The following UBE2K variants were observed in gnomAD, a reference collection of about 807,000 sequenced individuals.
UBE2K encodes the protein ubiquitin conjugating enzyme E2 K.
Under a neutral mutation model 30.0 loss-of-function variants are expected in UBE2K, and 6 were observed. The observed-to-expected ratio is 0.20, with a 90% CI of 0.11 to 0.39. UBE2K has a LOEUF of 0.39. Ranked by LOEUF, UBE2K falls within the 10% of genes least tolerant of loss-of-function variation. The probability of loss-of-function intolerance (pLI) is 1.00; values close to 1 mark genes in which losing one functional copy is unlikely to be tolerated. For synonymous variants in UBE2K, 86 were observed against 83.7 expected (o/e 1.03, Z -0.15); for missense variants, 61 against 241.6 (o/e 0.25, Z 4.96).
At chr4:39,754,842 TCTA>T (rs1451197833) in intron 3 of UBE2K, among the ~76,000 whole-genome samples, 5 of 152,314 alleles carry the variant, frequency 3.3e-5, no homozygotes, top group Admixed American at 2.6e-4. Context: ...TAGTAATTAA[TCTA>T]CTAAGTGTCA....
chr4:39,720,638 C>T (rs1293199578), intron 1 of UBE2K, among the ~76,000 whole-genome samples: 1 of 152,128 alleles, frequency 6.6e-6, no homozygotes, highest in Non-Finnish European at 1.5e-5. Context: ...CTGATACTTA[C>T]AGGATAAATT....
At chr4:39,723,624 T>A (rs1017547533) in intron 1 of UBE2K, among the ~76,000 whole-genome samples, 12 of 152,274 alleles carry the variant, frequency 7.9e-5, no homozygotes, top group Admixed American at 1.3e-4. Flanking sequence ...TGCCTCGGCC[T>A]CCGAAAGTGC....
intron 4 of UBE2K, among the ~76,000 whole-genome samples, chr4:39,760,036 C>T (rs1294389983): frequency 6.6e-6 from 1 of 151,596 alleles, no homozygotes; most frequent in Admixed American, 6.6e-5. Context: ...ATTAGCCAGG[C>T]GTGGGTGGTG....
intron 3 of UBE2K, among the ~76,000 whole-genome samples, chr4:39,746,963 T>C (rs182908455): frequency 2.6e-4 from 39 of 152,308 alleles, no homozygotes; most frequent in African/African-American, 8.2e-4. Flanking sequence ...TTTACACCTA[T>C]ATATTATCAG....
At chr4:39,714,538 A>T (rs1235971427) in intron 1 of UBE2K, 40 of 22,200 alleles carry the variant, frequency 1.8e-3, no homozygotes, top group East Asian at 5.3e-3. Context: ...ATATATATAT[A>T]TATATATATA....
At chr4:39,726,079 C>A (rs1719737541) in intron 1 of UBE2K, among the ~76,000 whole-genome samples, 1 of 152,118 alleles carries the variant, frequency 6.6e-6, no homozygotes, top group Non-Finnish European at 1.5e-5. Context: ...GGAATCCTTC[C>A]TTGCCTCTTC....
intron 4 of UBE2K, chr4:39,770,053 C>G (rs879648966): frequency 1.6e-4 from 239 of 1,510,304 alleles, no homozygotes; most frequent in Non-Finnish European, 2.1e-4. Context: ...CCAGGGACCC[C>G]AGCCTCCGGG....
rs113954557 is a variant in UBE2K at position 39,771,551 on chromosome 4, C to T, written c.300-3283C>T. Among the ~76,000 whole-genome samples, 1,115 of 152,244 alleles carry T rather than the reference C, an allele frequency of 7.3e-3. 19 individuals carry two copies. The highest frequency in any genetic ancestry group is 0.025 in the African/African-American group (1,047 of 41,556). On this transcript the variant is annotated intron_variant, in intron 4 of 6. Coordinates refer to ENST00000261427, the MANE Select transcript of UBE2K (RefSeq NM_005339.5). ...CCCCCACACACGGGCAGAGCCAGGG[C>T]AGCATGTAGGCGCAGGGCGGGAGGG...
At chr4:39,725,608 C>A (rs1719712340) in intron 1 of UBE2K, among the ~76,000 whole-genome samples, 2 of 152,104 alleles carry the variant, frequency 1.3e-5, no homozygotes, top group African/African-American at 4.8e-5. Flanking sequence ...GAAATCTTTT[C>A]TCTTGAAGGC....
chr4:39,742,539 C>A (rs1319422643), intron 2 of UBE2K, among the ~76,000 whole-genome samples: 1 of 151,578 alleles, frequency 6.6e-6, no homozygotes, highest in African/African-American at 2.4e-5. Flanking sequence ...GAGTTTGAGA[C>A]CAGCTTAGCC....
chr4:39,763,426 AT>A (rs1255218179), intron 4 of UBE2K, among the ~76,000 whole-genome samples: 5 of 151,770 alleles, frequency 3.3e-5, no homozygotes, highest in African/African-American at 1.2e-4. Flanking sequence ...TAATTTTGTA[AT>A]TTTAGTAGAG....
At position 39,731,571 on chromosome 4, in the gene UBE2K, A is replaced by G. The variant is rs568453334; in HGVS notation, c.64-5849A>G. Among the ~76,000 whole-genome samples, 120 of 152,010 alleles carry G rather than the reference A, an allele frequency of 7.9e-4. 3 individuals are homozygous for G. The highest frequency in any genetic ancestry group is 6.8e-4 in the Non-Finnish European group (46 of 68,004). ...GTGGCGGGCGCCTGTAATCCCAGCT[A>G]CTTGGGAGGCTGAGGCAGGAGAATT... On this transcript the variant is annotated intron_variant, in intron 1 of 6. Transcript: ENST00000261427.
chr4:39,750,950 G>C (rs956328876), intron 3 of UBE2K, among the ~76,000 whole-genome samples: 1 of 151,860 alleles, frequency 6.6e-6, no homozygotes, highest in African/African-American at 2.4e-5. Context: ...TCACCTTGTT[G>C]CCCAGGCTGC....
rs151021771 is a variant in UBE2K, at chr4:39,777,826, C to A, written c.528+16C>A. 1.4e-5 allele frequency: 20 copies of A among 1,393,826 alleles called. No homozygotes were observed. Among genetic ancestry groups the A allele is most frequent in the Non-Finnish European group, 1.8e-5 (19 of 1,067,904 alleles). 86.3% of individuals were successfully genotyped at this position (1,393,826 alleles called of 1,614,324 possible). ...CTTTGATAGGGTAAGTACATAAGGG[C>A]ATGTTGATTTTGATATATTGATTGA... On this transcript the variant is annotated intron_variant, in intron 6 of 6. Transcript: ENST00000261427.
chr4:39,764,847 A>G (rs1459371043), intron 4 of UBE2K, among the ~76,000 whole-genome samples: 1 of 151,848 alleles, frequency 6.6e-6, no homozygotes, highest in Admixed American at 6.6e-5. Context: ...GGAAATAGAC[A>G]GTATTTATAA....
At chr4:39,726,254 C>T (rs1229326290) in intron 1 of UBE2K, among the ~76,000 whole-genome samples, 1 of 152,194 alleles carries the variant, frequency 6.6e-6, no homozygotes, top group Non-Finnish European at 1.5e-5. Context: ...CCTTGGCCTC[C>T]CAAAGTGCTG....
chr4:39,765,429 T>G (rs186628078), intron 4 of UBE2K, among the ~76,000 whole-genome samples: 7 of 151,630 alleles, frequency 4.6e-5, no homozygotes, highest in African/African-American at 1.7e-4. Flanking sequence ...GAGGCTGAGG[T>G]TGGAGGATCG....
rs1423727672 is a variant in UBE2K, at chr4:39,698,197, G to C, written c.-131G>C. The C allele has an allele frequency of 1.0e-5, 9 of 877,146 alleles. No individual in the cohort carries two copies. Among genetic ancestry groups the C allele is most frequent in the Non-Finnish European group, 1.3e-5 (7 of 535,282 alleles). 54.3% of individuals were successfully genotyped at this position (877,146 alleles called of 1,614,324 possible). ...CTGAGGCGAGCGCGGCGGCCGGGGT[G>C]GTAGTGGCAGTGTTCGTGTGCTCAG... On this transcript the variant is annotated 5_prime_UTR_variant, in exon 1 of 7. Coordinates refer to ENST00000261427, the MANE Select transcript of UBE2K (RefSeq NM_005339.5).
At chr4:39,730,810 C>CT (rs569251225) in intron 1 of UBE2K, among the ~76,000 whole-genome samples, 10,736 of 89,708 alleles carry the variant, frequency 0.12, 941 homozygotes, top group East Asian at 0.2. Context: ...GCTATAGCTT[C>CT]TTTTTTTTTT....
Sources: allele counts gnomAD v4.1 joint callset (sites outside exome capture counted in the v4.1 genomes callset), GRCh38; gene constraint gnomAD v4.1.1; transcripts MANE v1.5; gene names NCBI Gene and HGNC (gene_info 2026-07-23, HGNC 2026-07-21).